The following ZMIZ1 variants were observed in gnomAD, a reference collection of about 807,000 sequenced individuals.
The protein encoded by ZMIZ1 is zinc finger MIZ domain-containing protein 1.
Under a neutral mutation model 113.9 loss-of-function variants are expected in ZMIZ1, and 17 were observed. The ratio of observed to expected loss-of-function variants is 0.15; its 90% CI spans 0.10 to 0.22. ZMIZ1 has a LOEUF of 0.22. Among genes scored for constraint, ZMIZ1 ranks in the 10% least tolerant of loss-of-function variants. The probability of loss-of-function intolerance (pLI) is 1.00; values close to 1 mark genes in which losing one functional copy is unlikely to be tolerated. For missense variants in ZMIZ1, 1,059 were observed against 1,477.8 expected, an observed-to-expected ratio of 0.72 and a Z score of 4.65; for synonymous variants, 607 against 603.1, an observed-to-expected ratio of 1.01 and a Z score of -0.09.
intron 2 of ZMIZ1, among the ~76,000 whole-genome samples, chr10:79,125,129 G>T (rs754288300): frequency 6.6e-5 from 10 of 152,210 alleles, no homozygotes; most frequent in Admixed American, 6.5e-5. Context: ...TGGACCAGGC[G>T]CTGGGGCTTT....
At chr10:79,185,505 CA>C (rs534985901) in intron 4 of ZMIZ1, among the ~76,000 whole-genome samples, 225 of 150,064 alleles carry the variant, frequency 1.5e-3, no homozygotes, top group Non-Finnish European at 2.7e-3. Flanking sequence ...AGGACTTCTA[CA>C]TCTTTTTTTT....
intron 3 of ZMIZ1, among the ~76,000 whole-genome samples, chr10:79,150,171 G>A (rs978602615): frequency 4.6e-5 from 7 of 152,210 alleles, no homozygotes; most frequent in Non-Finnish European, 1.0e-4. Context: ...CTGGCCCCGG[G>A]CCGCAGCCGT....
At chr10:79,181,590 G>A (rs1291436986) in intron 4 of ZMIZ1, among the ~76,000 whole-genome samples, 8 of 152,190 alleles carry the variant, frequency 5.3e-5, no homozygotes, top group Admixed American at 5.2e-4. Flanking sequence ...GCATCATTGT[G>A]CTTATAGCTC....
At chr10:79,209,501 G>A (rs77254250) in intron 6 of ZMIZ1, among the ~76,000 whole-genome samples, 411 of 152,356 alleles carry the variant, frequency 2.7e-3, no homozygotes, top group African/African-American at 9.2e-3. Context: ...AGGAATGTGG[G>A]TAAACAGATG....
At chr10:79,277,805 C>G (rs1852396167) in intron 8 of ZMIZ1, among the ~76,000 whole-genome samples, 2 of 152,234 alleles carry the variant, frequency 1.3e-5, no homozygotes, top group African/African-American at 4.8e-5. Context: ...GCCGACAGCA[C>G]CGAGGGATTG....
intron 7 of ZMIZ1, among the ~76,000 whole-genome samples, chr10:79,242,876 C>T (rs1375533495): frequency 6.6e-6 from 1 of 152,110 alleles, no homozygotes; most frequent in Non-Finnish European, 1.5e-5. Context: ...AGCACCACCC[C>T]TGCGTGCAAG....
chr10:79,166,003 G>GT (rs1309575802), intron 4 of ZMIZ1, among the ~76,000 whole-genome samples: 7 of 44,514 alleles, frequency 1.6e-4, no homozygotes, highest in Admixed American at 7.5e-4. Context: ...TGTGTGTGTG[G>GT]GCTCTCCCTG....
chr10:79,212,496 C>T (rs549049818), intron 6 of ZMIZ1, among the ~76,000 whole-genome samples: 1 of 152,230 alleles, frequency 6.6e-6, no homozygotes, highest in South Asian at 2.1e-4. Context: ...ACAGATGGGG[C>T]TGGGCATGGT....
chr10:79,207,646 A>G (rs1409394777), intron 5 of ZMIZ1, among the ~76,000 whole-genome samples: 2 of 152,102 alleles, frequency 1.3e-5, no homozygotes, highest in South Asian at 2.1e-4. Context: ...TTCCCCAACC[A>G]TGCCAGCAGC....
chr10:79,125,633 G>A (rs770869770), intron 2 of ZMIZ1, among the ~76,000 whole-genome samples: 5 of 152,242 alleles, frequency 3.3e-5, no homozygotes, highest in Non-Finnish European at 5.9e-5. Context: ...AGCCTTGGCC[G>A]TGCCTGTGTT....
chr10:79,290,829 A>G (rs775317270), intron 9 of ZMIZ1, 130 bp from the exon 10 acceptor site: 7 of 1,080,862 alleles, frequency 6.5e-6, no homozygotes, highest in Middle Eastern at 3.9e-4. Context: ...TCCACCCTCC[A>G]TTTTTTTCCT....
chr10:79,204,966 A>G (rs1326182840), intron 5 of ZMIZ1, among the ~76,000 whole-genome samples: 15 of 124,822 alleles, frequency 1.2e-4, no homozygotes, highest in Non-Finnish European at 1.6e-4. Flanking sequence ...GAATTGATTC[A>G]TTTAGGATGG....
At chr10:79,218,843 A>C (rs1056547460) in intron 7 of ZMIZ1, among the ~76,000 whole-genome samples, 1 of 152,128 alleles carries the variant, frequency 6.6e-6, no homozygotes, top group Non-Finnish European at 1.5e-5. Flanking sequence ...TTTTGTCAGA[A>C]CTAAGAGAAA....
chr10:79,294,850 A>C (rs1056585290), intron 12 of ZMIZ1: 2 of 150,288 alleles, frequency 1.3e-5, no homozygotes, highest in Non-Finnish European at 2.9e-5. Flanking sequence ...AGTTCCTTGA[A>C]GATCTGCACA....
At position 79,298,506 on chromosome 10, in the gene ZMIZ1, C is replaced by T; in HGVS notation, c.1592C>T (p.Ser531Phe). 1 of 1,603,292 alleles carries T rather than the reference C, an allele frequency of 6.2e-7. No homozygotes were observed. The highest frequency in any genetic ancestry group is 8.5e-7 in the Non-Finnish European group (1 of 1,175,450). Residue 531 changes from serine to phenylalanine, a missense_variant, in exon 15 of 25, where the codon TCC (serine) becomes TTC (phenylalanine). Ser to Phe is a radical substitution (Grantham distance 155). Around this residue, in one of 6 missense-constraint regions of ZMIZ1, gnomAD observed 239 missense variants for 247.5 expected, o/e 0.97. Transcript: ENST00000334512. Reference protein sequence around the residue: ...TPGSSIPPYLSPSQDVKPPFP... With the variant: ...TPGSSIPPYLFPSQDVKPPFP... ...GGGAGCAGCATCCCTCCATACCTGTCCCCCAGCCAAGACGTCAAACCACCC... is the reference window on the plus strand; with the variant it reads ...GGGAGCAGCATCCCTCCATACCTGTTCCCCAGCCAAGACGTCAAACCACCC...
chr10:79,151,685 G>T (rs1300898020), intron 3 of ZMIZ1, among the ~76,000 whole-genome samples: 1 of 152,218 alleles, frequency 6.6e-6, no homozygotes, highest in Non-Finnish European at 1.5e-5. Flanking sequence ...TTCTTCCTCT[G>T]GTGCCCCTGA....
At chr10:79,259,547 A>G (rs1280155106) in intron 7 of ZMIZ1, among the ~76,000 whole-genome samples, 4 of 152,102 alleles carry the variant, frequency 2.6e-5, no homozygotes, top group Non-Finnish European at 5.9e-5. Flanking sequence ...AAGTTTCCCT[A>G]ATGCTTAGTG....
intron 1 of ZMIZ1, among the ~76,000 whole-genome samples, chr10:79,082,670 G>T (rs1842695102): frequency 6.6e-6 from 1 of 152,196 alleles, no homozygotes; most frequent in African/African-American, 2.4e-5. Context: ...CACCCTTTGC[G>T]CCCGAGGCTG....
chr10:79,271,871 C>G (rs954161214), intron 7 of ZMIZ1, among the ~76,000 whole-genome samples: 1 of 152,166 alleles, frequency 6.6e-6, no homozygotes, highest in African/African-American at 2.4e-5. Flanking sequence ...CTGGAAGGCT[C>G]TTTCTTGCCT....
Sources: allele counts gnomAD v4.1 joint callset (sites outside exome capture counted in the v4.1 genomes callset), GRCh38; gene constraint gnomAD v4.1.1; regional missense constraint gnomAD v4.1.1; transcripts MANE v1.5; gene names NCBI Gene and HGNC (gene_info 2026-07-23, HGNC 2026-07-21).